The following FYB1 variants were observed in gnomAD, a reference collection of about 807,000 sequenced individuals.
FYB1 encodes FYN binding protein 1, also known as FYN-binding protein 1.
FYB1 carries 41 observed loss-of-function variants against 94.1 expected under a neutral mutation model. That is an observed-to-expected ratio of 0.44 (90% CI 0.34 to 0.57). The LOEUF is 0.57. FYB1 is among the 20% of genes least tolerant of loss of function. The probability of loss-of-function intolerance (pLI) is 0.02; values close to 1 mark genes in which losing one functional copy is unlikely to be tolerated. For synonymous variants in FYB1, 367 were observed against 353.2 expected, an observed-to-expected ratio of 1.04 and a Z score of -0.44; for missense variants, 1,050 against 976.8, an observed-to-expected ratio of 1.07 and a Z score of -1.00.
upstream of FYB1, among the ~76,000 whole-genome samples, chr5:39,221,551 G>C (rs1750265294): frequency 6.6e-6 from 1 of 152,190 alleles, no homozygotes. Context: ...CCAGGAATAT[G>C]TAATTCCTTC....
At chr5:39,237,433 A>G (rs191078790) in intron 1 of FYB1, among the ~76,000 whole-genome samples, 3 of 152,188 alleles carry the variant, frequency 2.0e-5, no homozygotes, top group African/African-American at 7.2e-5. Context: ...TTGATCCACT[A>G]AGGCCTTGGG....
At chr5:39,110,589 T>G in intron 16 of FYB1, 200 bp from the exon 17 acceptor site, 3 of 465,826 alleles carry the variant, frequency 6.4e-6, no homozygotes, top group East Asian at 3.6e-5. Flanking sequence ...AACTTTTCTC[T>G]TTCTCCAGTA....
At chr5:39,190,428 G>A (rs576253340) in intron 2 of FYB1, among the ~76,000 whole-genome samples, 3 of 152,202 alleles carry the variant, frequency 2.0e-5, no homozygotes, top group African/African-American at 7.2e-5. Context: ...AGGAGCTATG[G>A]ACAATCTTAG....
chr5:39,154,054 G>A (rs1400807400), intron 2 of FYB1, among the ~76,000 whole-genome samples: 6 of 152,094 alleles, frequency 3.9e-5, no homozygotes, highest in Non-Finnish European at 8.8e-5. Flanking sequence ...CCCAAATGTT[G>A]GGATTACAGG....
At chr5:39,118,210 T>G (rs1739749725) in intron 16 of FYB1, among the ~76,000 whole-genome samples, 1 of 152,178 alleles carries the variant, frequency 6.6e-6, no homozygotes, top group Admixed American at 6.6e-5. Flanking sequence ...GGCCCCCATC[T>G]GTCAGCTTTA....
chr5:39,131,504 A>T (rs1219843907), intron 9 of FYB1, among the ~76,000 whole-genome samples: 1 of 152,224 alleles, frequency 6.6e-6, no homozygotes, highest in Non-Finnish European at 1.5e-5. Flanking sequence ...TCCTAACGTT[A>T]AAAGTGGGTG....
Position 39,118,953 on chromosome 5 carries a change from C to T in FYB1, c.2322G>A (p.Gln774=). ...CTTCTAGAGATTCACCAGGTTTTACCTGTAGATCTCTGGTTCCCCACTTTT... is the reference window on the plus strand; with the variant it reads ...CTTCTAGAGATTCACCAGGTTTTACTTGTAGATCTCTGGTTCCCCACTTTT... The part of the protein sequence containing the change: ...TSKKWGTRDL[Q]VKPGESLEVI... Residue 774 remains glutamine (Q), a synonymous_variant, in exon 16 of 19, where the codon CAG becomes CAA. Coordinates refer to ENST00000512982, the MANE Select transcript of FYB1 (RefSeq NM_001465.6). 6.4e-7 allele frequency: 1 copy of T among 1,570,234 alleles called. No homozygotes were observed. Among genetic ancestry groups the T allele is most frequent in the Non-Finnish European group, 8.7e-7 (1 of 1,151,622 alleles).
intron 1 of FYB1, among the ~76,000 whole-genome samples, chr5:39,217,151 A>G (rs1749931224): frequency 6.6e-6 from 1 of 152,222 alleles, no homozygotes; most frequent in Admixed American, 6.5e-5. Context: ...TCAGTCAGCA[A>G]CTATATAATA....
intron 1 of FYB1, among the ~76,000 whole-genome samples, chr5:39,237,038 T>C (rs1750995695): frequency 6.6e-6 from 1 of 152,174 alleles, no homozygotes; most frequent in Non-Finnish European, 1.5e-5. Context: ...TAAGTGAATT[T>C]AATTTGAACA....
intron 1 of FYB1, among the ~76,000 whole-genome samples, chr5:39,218,069 G>A (rs1383219740): frequency 6.6e-6 from 1 of 152,242 alleles, no homozygotes; most frequent in Non-Finnish European, 1.5e-5. Flanking sequence ...TCCAGCAGAA[G>A]CTGGGGGGAA....
chr5:39,179,763 G>A (rs1267575902), intron 2 of FYB1, among the ~76,000 whole-genome samples: 2 of 152,056 alleles, frequency 1.3e-5, no homozygotes, highest in Admixed American at 6.6e-5. Flanking sequence ...ACAGGCATGA[G>A]TGACCACGCC....
intron 1 of FYB1, among the ~76,000 whole-genome samples, chr5:39,250,183 G>A (rs535499960): frequency 5.9e-5 from 9 of 152,098 alleles, no homozygotes; most frequent in Admixed American, 1.3e-4. Flanking sequence ...AGCCAGTCTC[G>A]GCAGTTCTTT....
intron 10 of FYB1, among the ~76,000 whole-genome samples, chr5:39,129,093 G>A (rs186728709): frequency 7.9e-5 from 12 of 152,026 alleles, no homozygotes; most frequent in Admixed American, 2.6e-4. Context: ...TCAGCATACC[G>A]TTGGTATAAA....
intron 9 of FYB1, among the ~76,000 whole-genome samples, chr5:39,133,888 C>G (rs564140977): frequency 1.3e-5 from 2 of 152,088 alleles, no homozygotes; most frequent in Non-Finnish European, 2.9e-5. Flanking sequence ...TCATATTTTA[C>G]CAAATCATAT....
intron 3 of FYB1, among the ~76,000 whole-genome samples, chr5:39,142,828 T>C (rs1351326925): frequency 6.6e-6 from 1 of 152,204 alleles, no homozygotes; most frequent in Non-Finnish European, 1.5e-5. Context: ...CCTCTCAAAC[T>C]GCATCTCACT....
At chr5:39,143,894 G>C (rs991169322) in intron 3 of FYB1, among the ~76,000 whole-genome samples, 1 of 152,112 alleles carries the variant, frequency 6.6e-6, no homozygotes, top group Non-Finnish European at 1.5e-5. Context: ...TTCTATTTGG[G>C]TAAGTGTAAA....
In FYB1 at chr5:39,124,271, C is replaced by G; in HGVS notation, c.2053G>C (p.Ala685Pro). Residue 685 changes from alanine to proline, a missense_variant, in exon 13 of 19, where the codon GCT (alanine) becomes CCT (proline). Ala to Pro is a conservative substitution (Grantham distance 27). Coordinates refer to ENST00000512982, the MANE Select transcript of FYB1 (RefSeq NM_001465.6). Reference protein sequence around the residue: ...SDNNEGSSFPAPPKQLDMGDE... With the variant: ...SDNNEGSSFPPPPKQLDMGDE... ...TACTTACCCAATTGTTTAGGAGGAG[C>G]AGGGAAACTACAAAGAAAGTGAGAA... The G allele has an allele frequency of 6.4e-7, 1 of 1,552,642 alleles. No individual in the cohort carries two copies. Among genetic ancestry groups the G allele is most frequent in the Non-Finnish European group, 8.7e-7 (1 of 1,152,774 alleles).
chr5:39,113,331 T>C (rs1739236004), intron 16 of FYB1, among the ~76,000 whole-genome samples: 1 of 152,244 alleles, frequency 6.6e-6, no homozygotes. Flanking sequence ...GGCAGCTATG[T>C]TTAGCGCTGT....
In FYB1 at chr5:39,118,937, A is replaced by G. The variant is rs1739820858; in HGVS notation, c.2338T>C (p.Ser780Pro). 3.3e-5 allele frequency: 52 copies of G among 1,573,862 alleles called. No homozygotes were observed. Among genetic ancestry groups the G allele is most frequent in the Non-Finnish European group, 4.5e-5 (52 of 1,156,340 alleles). Reference protein sequence around the residue: ...TRDLQVKPGESLEVIQTTDDT... With the variant: ...TRDLQVKPGEPLEVIQTTDDT... ...TCTGTGGTTTGTATAACTTCTAGAG[A>G]TTCACCAGGTTTTACCTGTAGATCT... is the stretch of plus-strand genomic sequence containing the variant. Residue 780 changes from serine (S) to proline (P), a missense_variant, in exon 16 of 19, where the codon TCT becomes CCT. Physicochemically the swap from Ser to Pro is moderately conservative, Grantham distance 74. Coordinates refer to ENST00000512982, the MANE Select transcript of FYB1 (RefSeq NM_001465.6).
Sources: gnomAD v4.1 joint callset for allele counts (sites outside exome capture counted in the v4.1 genomes callset) on GRCh38, gnomAD v4.1.1 for gene constraint, MANE v1.5 for transcripts, NCBI Gene and HGNC (gene_info 2026-07-23, HGNC 2026-07-21) for gene names.